Variants in GRID2 observed in about 807,000 individuals in gnomAD.
GRID2 encodes the protein glutamate receptor ionotropic, delta-2.
GRID2 carries 33 observed loss-of-function variants against 114.8 expected under a neutral mutation model. The observed-to-expected ratio is 0.29, with a 90% CI of 0.22 to 0.38. The LOEUF (loss-of-function observed/expected upper bound fraction) is 0.38, where lower values mean the gene tolerates loss of function less well. Ranked by LOEUF, GRID2 falls within the 10% of genes least tolerant of loss-of-function variation. The pLI is 1.00. For synonymous variants in GRID2, 505 were observed against 449.9 expected, an observed-to-expected ratio of 1.12 and a Z score of -1.55; for missense variants, 1,184 against 1,257.7, an observed-to-expected ratio of 0.94 and a Z score of 0.89.
chr4:92,973,874 A>C (rs1396811584), intron 2 of GRID2, among the ~76,000 whole-genome samples: 1 of 152,180 alleles, frequency 6.6e-6, no homozygotes, highest in South Asian at 2.1e-4. Flanking sequence ...TCTGCACAGC[A>C]AAAGAAACTA....
Position 93,522,056 on chromosome 4 carries a change from G to A in GRID2, c.2193+6645G>A, listed in dbSNP as rs150868670. On this transcript the variant is annotated intron_variant, in intron 13 of 15. Coordinates refer to ENST00000282020, the MANE Select transcript of GRID2 (RefSeq NM_001510.4). The stretch of plus-strand genomic sequence containing the variant: ...CCCATAATACAGGAAAAAGACTGCA[G>A]TATTGCTGGAGAACTTTCTTTGATT... Among the ~76,000 whole-genome samples the A allele has an allele frequency of 6.8e-4, 103 of 152,266 alleles. 1 individual carries two copies. In the East Asian group the frequency reaches 0.018, roughly 27 times the overall value.
intron 1 of GRID2, among the ~76,000 whole-genome samples, chr4:92,545,789 G>A (rs1726223902): frequency 1.3e-5 from 2 of 152,028 alleles, no homozygotes; most frequent in African/African-American, 4.8e-5. Flanking sequence ...TTATGCAATT[G>A]CACGTTCATA....
intron 10 of GRID2, among the ~76,000 whole-genome samples, chr4:93,450,065 C>G (rs1424283916): frequency 1.3e-5 from 2 of 151,590 alleles, no homozygotes; most frequent in Non-Finnish European, 2.9e-5. Context: ...TAAAAATCAC[C>G]TAATAAAAAT....
At chr4:93,628,035 G>T (rs1250667329) in intron 14 of GRID2, among the ~76,000 whole-genome samples, 1 of 152,150 alleles carries the variant, frequency 6.6e-6, no homozygotes, top group Non-Finnish European at 1.5e-5. Context: ...TTATCCAGGT[G>T]TGGTGGTGCA....
chr4:93,430,863 T>C (rs1769344580), intron 10 of GRID2, among the ~76,000 whole-genome samples: 1 of 152,128 alleles, frequency 6.6e-6, no homozygotes, highest in East Asian at 1.9e-4. Context: ...TAAAGAGGGA[T>C]TGGCAGAAAG....
At chr4:93,709,003 T>C (rs2110161231) in intron 14 of GRID2, among the ~76,000 whole-genome samples, 1 of 152,244 alleles carries the variant, frequency 6.6e-6, no homozygotes, top group African/African-American at 2.4e-5. Flanking sequence ...ACTTCATCCC[T>C]TCTTTTAAGC....
chr4:92,795,992 T>G (rs561120650), intron 2 of GRID2, among the ~76,000 whole-genome samples: 4 of 152,116 alleles, frequency 2.6e-5, no homozygotes, highest in Admixed American at 1.3e-4. Flanking sequence ...TGTGAAGTTA[T>G]GCACAACATC....
chr4:92,576,852 CT>C (rs1727920090), intron 1 of GRID2, among the ~76,000 whole-genome samples: 1 of 152,190 alleles, frequency 6.6e-6, no homozygotes, highest in South Asian at 2.1e-4. Flanking sequence ...CCCCACCCTG[CT>C]TTTTTTCATT....
chr4:92,576,324 G>C (rs542841535), intron 1 of GRID2, among the ~76,000 whole-genome samples: 83 of 152,334 alleles, frequency 5.4e-4, no homozygotes, highest in African/African-American at 1.8e-3. Flanking sequence ...AGCTGGAATA[G>C]CTGATTGGAC....
chr4:92,748,049 T>C (rs947567825), intron 2 of GRID2, among the ~76,000 whole-genome samples: 2 of 152,212 alleles, frequency 1.3e-5, no homozygotes, highest in Non-Finnish European at 2.9e-5. Context: ...TGTTATGTTT[T>C]TGCCTGACTC....
chr4:93,767,675 A>G (rs974123906), intron 14 of GRID2, among the ~76,000 whole-genome samples: 1 of 152,050 alleles, frequency 6.6e-6, no homozygotes, highest in Non-Finnish European at 1.5e-5. Context: ...TTAAACACTG[A>G]CCCAACTTCC....
At chr4:93,580,115 T>C (rs1031822730) in intron 13 of GRID2, among the ~76,000 whole-genome samples, 3 of 152,252 alleles carry the variant, frequency 2.0e-5, no homozygotes, top group African/African-American at 7.2e-5. Flanking sequence ...TGAGTGCCAG[T>C]GACTTCAGTG....
In GRID2 at chr4:92,605,068, C is replaced by T. The variant is rs946874607; in HGVS notation, c.244+14782C>T. Among the ~76,000 whole-genome samples, 6 of 152,052 alleles carry T rather than the reference C, an allele frequency of 3.9e-5. No individual in the cohort carries two copies. In the East Asian group the frequency reaches 1.2e-3, roughly 29 times the overall value. On this transcript the variant is annotated intron_variant, in intron 2 of 15. Coordinates refer to ENST00000282020, the MANE Select transcript of GRID2 (RefSeq NM_001510.4). ...TGAAGAAGATGCCTTGCTTCCCCTC[C>T]ACCTTCTGCTATGATTGTAAGTTTC...
chr4:92,920,521 G>A (rs1749227519), intron 2 of GRID2, among the ~76,000 whole-genome samples: 1 of 152,050 alleles, frequency 6.6e-6, no homozygotes, highest in African/African-American at 2.4e-5. Context: ...CTTCCTTCAG[G>A]AGCTCTTTTA....
chr4:92,399,588 T>C (rs1006194527), intron 1 of GRID2, among the ~76,000 whole-genome samples: 1 of 151,714 alleles, frequency 6.6e-6, no homozygotes, highest in African/African-American at 2.4e-5. Flanking sequence ...ATTAAGACCC[T>C]CCAATTACAT....
At chr4:92,944,175 C>A (rs1277102395) in intron 2 of GRID2, among the ~76,000 whole-genome samples, 1 of 152,220 alleles carries the variant, frequency 6.6e-6, no homozygotes, top group Non-Finnish European at 1.5e-5. Flanking sequence ...GCCCTGCCCC[C>A]AGATGTGGAG....
intron 2 of GRID2, among the ~76,000 whole-genome samples, chr4:92,940,579 C>T (rs531377498): frequency 1.1e-3 from 164 of 152,236 alleles, no homozygotes; most frequent in African/African-American, 3.6e-3. Flanking sequence ...TGCCTAATTG[C>T]CCTGGCCAGA....
chr4:93,239,822 A>G (rs971612359), intron 8 of GRID2, among the ~76,000 whole-genome samples: 8 of 151,628 alleles, frequency 5.3e-5, no homozygotes, highest in Non-Finnish European at 7.4e-5. Context: ...ATTTATTTGC[A>G]TTTAAAATAT....
At chr4:92,914,051 A>T (rs1748591975) in intron 2 of GRID2, among the ~76,000 whole-genome samples, 2 of 152,150 alleles carry the variant, frequency 1.3e-5, no homozygotes, top group Admixed American at 6.6e-5. Context: ...ATACATGTGA[A>T]TTACATTAGT....
Sources: allele counts gnomAD v4.1 joint callset (sites outside exome capture counted in the v4.1 genomes callset), GRCh38; gene constraint gnomAD v4.1.1; transcripts MANE v1.5; gene names NCBI Gene and HGNC (gene_info 2026-07-23, HGNC 2026-07-21).